Variants in NALF1 observed in about 807,000 individuals in gnomAD.
The protein encoded by NALF1 is family with sequence similarity 155 member A.
NALF1 carries 3 observed loss-of-function variants against 48.4 expected under a neutral mutation model. That is an observed-to-expected ratio of 0.06 (90% CI 0.03 to 0.16). The LOEUF (loss-of-function observed/expected upper bound fraction) is 0.16, where lower values mean the gene tolerates loss of function less well. NALF1 is among the 10% of genes least tolerant of loss of function. NALF1 has a pLI of 1.00. For missense variants in NALF1, 526 were observed against 571.5 expected, an observed-to-expected ratio of 0.92 and a Z score of 0.81; for synonymous variants, 262 against 245.7, an observed-to-expected ratio of 1.07 and a Z score of -0.62.
chr13:107,329,404 T>G lies in NALF1; in HGVS notation c.916-118649A>C, dbSNP rs72650544. 3.7e-3 allele frequency among the ~76,000 whole-genome samples: 562 copies of G among 152,256 alleles called. 2 individuals carry two copies. The highest frequency in any genetic ancestry group is 6.8e-3 in the Middle Eastern group (2 of 294). ...GATCTCAACTATCCAGGGAGCACCA[T>G]GTTCTGACACAGATAAGTGTTTTCC... is the stretch of plus-strand genomic sequence containing the variant. On this transcript the variant is annotated intron_variant, in intron 1 of 2. Coordinates refer to ENST00000375915, the MANE Select transcript of NALF1 (RefSeq NM_001080396.3).
intron 1 of NALF1, among the ~76,000 whole-genome samples, chr13:107,344,241 G>T (rs1196644738): frequency 6.6e-6 from 1 of 152,074 alleles, no homozygotes; most frequent in African/African-American, 2.4e-5. Context: ...TGGCTTCACT[G>T]AAGAATTCTA....
intron 1 of NALF1, among the ~76,000 whole-genome samples, chr13:107,854,433 T>C (rs975717867): frequency 3.3e-5 from 5 of 152,242 alleles, no homozygotes; most frequent in African/African-American, 1.2e-4. Context: ...CAGTCTGCTG[T>C]TCACTACGGC....
chr13:107,325,997 ATATG>A, intron 1 of NALF1, among the ~76,000 whole-genome samples: 1 of 149,606 alleles, frequency 6.7e-6, no homozygotes, highest in Non-Finnish European at 1.5e-5. Context: ...ATATACATAT[ATATG>A]TATATGTGTG....
chr13:107,493,540 G>C (rs1344169925), intron 1 of NALF1, among the ~76,000 whole-genome samples: 1 of 152,020 alleles, frequency 6.6e-6, no homozygotes, highest in African/African-American at 2.4e-5. Flanking sequence ...TAGAAATAAA[G>C]AAGTTTACAG....
At chr13:107,494,706 A>G (rs1040549245) in intron 1 of NALF1, among the ~76,000 whole-genome samples, 1 of 152,234 alleles carries the variant, frequency 6.6e-6, no homozygotes, top group Non-Finnish European at 1.5e-5. Context: ...CATTATAAAT[A>G]GCATGACAGT....
At chr13:107,773,959 TG>T in intron 1 of NALF1, among the ~76,000 whole-genome samples, 1 of 152,264 alleles carries the variant, frequency 6.6e-6, no homozygotes, top group East Asian at 1.9e-4. Context: ...TTTGTGTTTT[TG>T]ATCCTGCTGC....
At chr13:107,242,548 G>T (rs1275733613) in intron 1 of NALF1, among the ~76,000 whole-genome samples, 1 of 152,186 alleles carries the variant, frequency 6.6e-6, no homozygotes. Flanking sequence ...ATTTGAATAA[G>T]TTATGAATGA....
intron 1 of NALF1, among the ~76,000 whole-genome samples, chr13:107,398,551 T>C (rs1266743420): frequency 3.3e-5 from 5 of 152,180 alleles, no homozygotes; most frequent in Non-Finnish European, 5.9e-5. Flanking sequence ...ATAAATATTA[T>C]AGTAGGTTTT....
chr13:107,514,913 C>A (rs997054536), intron 1 of NALF1, among the ~76,000 whole-genome samples: 1 of 152,192 alleles, frequency 6.6e-6, no homozygotes, highest in East Asian at 1.9e-4. Context: ...TAGAGCAGAT[C>A]TGACCTTTGT....
chr13:107,495,148 C>T (rs1432726212), intron 1 of NALF1, among the ~76,000 whole-genome samples: 1 of 152,142 alleles, frequency 6.6e-6, no homozygotes, highest in Non-Finnish European at 1.5e-5. Context: ...TAAGATATTT[C>T]TAGTTTGAAC....
chr13:107,573,062 A>G (rs1315314074), intron 1 of NALF1, among the ~76,000 whole-genome samples: 2 of 151,960 alleles, frequency 1.3e-5, no homozygotes, highest in Non-Finnish European at 1.5e-5. Flanking sequence ...CTTCAAACAC[A>G]CAACACACAC....
intron 1 of NALF1, among the ~76,000 whole-genome samples, chr13:107,561,417 T>G (rs568073913): frequency 9.9e-5 from 15 of 152,284 alleles, no homozygotes; most frequent in Admixed American, 7.8e-4. Flanking sequence ...TTATGTTACC[T>G]TGTGATTAAG....
intron 1 of NALF1, among the ~76,000 whole-genome samples, chr13:107,826,257 A>G (rs1359508662): frequency 6.6e-6 from 1 of 152,176 alleles, no homozygotes; most frequent in East Asian, 1.9e-4. Context: ...ATTTCTGTGT[A>G]GGTGCCAGAA....
Position 107,266,507 on chromosome 13 carries a change from A to C in NALF1, c.916-55752T>G, listed in dbSNP as rs571152347. Among the ~76,000 whole-genome samples the C allele has an allele frequency of 2.0e-5, 3 of 152,234 alleles. No homozygotes were observed. In the South Asian group the frequency reaches 6.2e-4, roughly 32 times the overall value. On this transcript the variant is annotated intron_variant, in intron 1 of 2. Coordinates refer to ENST00000375915, the MANE Select transcript of NALF1 (RefSeq NM_001080396.3). ...TTTAGGTTATTTTCTCACTACTCTT[A>C]AGTTTCCCACCCTCTTGTTTTTGGC... is the stretch of plus-strand genomic sequence containing the variant.
intron 1 of NALF1, among the ~76,000 whole-genome samples, chr13:107,378,265 G>T (rs1172223489): frequency 6.6e-6 from 1 of 152,068 alleles, no homozygotes; most frequent in Non-Finnish European, 1.5e-5. Flanking sequence ...TTTCCCTGAA[G>T]TTCAGTTCTT....
chr13:107,271,042 C>G (rs1234930232), intron 1 of NALF1, among the ~76,000 whole-genome samples: 2 of 152,138 alleles, frequency 1.3e-5, no homozygotes, highest in Non-Finnish European at 2.9e-5. Flanking sequence ...TAGGTACGTT[C>G]TGAAGCATCC....
At chr13:107,248,224 CA>C (rs5806635) in intron 1 of NALF1, among the ~76,000 whole-genome samples, 19,098 of 149,010 alleles carry the variant, frequency 0.13, 1,577 homozygotes, top group East Asian at 0.41. Flanking sequence ...CGTCATAGGG[CA>C]AAAAAAAAGG....
chr13:107,695,690 T>G (rs535937207), intron 1 of NALF1, among the ~76,000 whole-genome samples: 1 of 152,258 alleles, frequency 6.6e-6, no homozygotes, highest in South Asian at 2.1e-4. Flanking sequence ...AGATGAGAAC[T>G]CTCTCTATTA....
intron 1 of NALF1, among the ~76,000 whole-genome samples, chr13:107,639,652 A>G (rs940738214): frequency 4.6e-5 from 7 of 151,212 alleles, no homozygotes; most frequent in Non-Finnish European, 7.4e-5. Context: ...AGGCTTCTTC[A>G]GGACACAGGT....
Sources: gnomAD v4.1 joint callset for allele counts (sites outside exome capture counted in the v4.1 genomes callset) on GRCh38, gnomAD v4.1.1 for gene constraint, MANE v1.5 for transcripts, NCBI Gene and HGNC (gene_info 2026-07-23, HGNC 2026-07-21) for gene names.